KLF12: variants seen among roughly 807,000 people sequenced by gnomAD.
KLF12 encodes the protein KLF transcription factor 12.
In KLF12, 9 loss-of-function variants were observed where a neutral mutation model predicts 37.8. The ratio of observed to expected loss-of-function variants is 0.24; its 90% CI spans 0.14 to 0.42. The LOEUF (loss-of-function observed/expected upper bound fraction) is 0.42, where lower values mean the gene tolerates loss of function less well. KLF12 is among the 10% of genes least tolerant of loss of function. The probability of loss-of-function intolerance (pLI) is 1.00; values close to 1 mark genes in which losing one functional copy is unlikely to be tolerated. For missense variants in KLF12, 411 were observed against 516.0 expected (o/e 0.80, Z 1.97); for synonymous variants, 208 against 202.1 (o/e 1.03, Z -0.25).
At chr13:73,900,430 C>G (rs895690506) in intron 3 of KLF12, among the ~76,000 whole-genome samples, 1 of 152,100 alleles carries the variant, frequency 6.6e-6, no homozygotes, top group African/African-American at 2.4e-5. Context: ...GTCCATAAAA[C>G]ATGAGAATAC....
the KLF12 span, among the ~76,000 whole-genome samples, chr13:74,235,832 A>G: frequency 7.9e-5 from 12 of 152,136 alleles, no homozygotes; most frequent in Non-Finnish European, 1.8e-4. Flanking sequence ...ATATGACAGC[A>G]TCTTAATGGA....
the KLF12 span, among the ~76,000 whole-genome samples, chr13:74,240,997 T>C: frequency 6.6e-6 from 1 of 152,144 alleles, no homozygotes; most frequent in Non-Finnish European, 1.5e-5. Context: ...GGAACTGCGT[T>C]CCTTTGGAGG....
intron 1 of KLF12, among the ~76,000 whole-genome samples, chr13:74,014,936 T>C (rs898501674): frequency 6.6e-6 from 1 of 152,206 alleles, no homozygotes; most frequent in African/African-American, 2.4e-5. Context: ...GTTAATTCAA[T>C]AGCAAATGGT....
the KLF12 span, among the ~76,000 whole-genome samples, chr13:74,194,797 C>A: frequency 6.6e-6 from 1 of 152,164 alleles, no homozygotes; most frequent in African/African-American, 2.4e-5. Flanking sequence ...AGATGTCACT[C>A]CCATATTTCA....
intron 5 of KLF12, among the ~76,000 whole-genome samples, chr13:73,794,572 T>C (rs190555742): frequency 1.3e-5 from 2 of 152,364 alleles, no homozygotes. Context: ...ACTTTATATA[T>C]ATTACAGTTG....
chr13:73,948,411 G>T (rs530410031), intron 2 of KLF12, among the ~76,000 whole-genome samples: 166 of 152,250 alleles, frequency 1.1e-3, no homozygotes, highest in Non-Finnish European at 2.2e-3. Flanking sequence ...TAGAGACGGG[G>T]TTTCACCTTG....
chr13:73,809,535 A>C (rs1488826121), intron 5 of KLF12, among the ~76,000 whole-genome samples: 1 of 68,954 alleles, frequency 1.5e-5, no homozygotes, highest in African/African-American at 5.5e-5. Context: ...ATATTTAATA[A>C]AATTTTAAGA....
At chr13:74,192,467 G>A in the KLF12 span, among the ~76,000 whole-genome samples, 1 of 152,166 alleles carries the variant, frequency 6.6e-6, no homozygotes, top group African/African-American at 2.4e-5. Context: ...CTGTTAGAAA[G>A]ATATCATGAA....
chr13:73,897,134 G>T (rs1180246068), intron 3 of KLF12, among the ~76,000 whole-genome samples: 1 of 151,902 alleles, frequency 6.6e-6, no homozygotes, highest in Non-Finnish European at 1.5e-5. Flanking sequence ...GAGTTATAGT[G>T]GAAGGAGGGA....
chr13:74,098,936 G>T (rs1349286881), intron 1 of KLF12, among the ~76,000 whole-genome samples: 3 of 151,972 alleles, frequency 2.0e-5, no homozygotes, highest in Admixed American at 6.6e-5. Context: ...ACATGTCATG[G>T]GTCTTATTTT....
intron 1 of KLF12, among the ~76,000 whole-genome samples, chr13:74,026,330 T>C (rs1892975743): frequency 6.6e-6 from 1 of 152,194 alleles, no homozygotes; most frequent in African/African-American, 2.4e-5. Context: ...TTTAGTTGCA[T>C]GCTTCTCTAA....
At chr13:73,848,553 T>G (rs1176522017) in intron 3 of KLF12, among the ~76,000 whole-genome samples, 1 of 148,126 alleles carries the variant, frequency 6.8e-6, no homozygotes, top group Non-Finnish European at 1.5e-5. Context: ...AGCTATATAT[T>G]ATATATAATA....
chr13:74,300,588 C>T, the KLF12 span, among the ~76,000 whole-genome samples: 1 of 152,104 alleles, frequency 6.6e-6, no homozygotes, highest in African/African-American at 2.4e-5. Context: ...GCCACTGCTT[C>T]CTAAATAGAT....
chr13:74,067,006 AG>A (rs1161054955), intron 1 of KLF12, among the ~76,000 whole-genome samples: 5 of 152,226 alleles, frequency 3.3e-5, no homozygotes, highest in Non-Finnish European at 5.9e-5. Flanking sequence ...GCTTGGGGAC[AG>A]TGTGGACAGG....
At chr13:74,112,384 T>TTGTGTGTGTGTGTGTGTGTG (rs67487546) in intron 1 of KLF12, among the ~76,000 whole-genome samples, 3 of 145,284 alleles carry the variant, frequency 2.1e-5, no homozygotes, top group Admixed American at 6.8e-5. Flanking sequence ...TTTGCAGATA[T>TTGTGTGTGTGTGTGTGTGTG]TGTCTGTGTG....
the KLF12 span, among the ~76,000 whole-genome samples, chr13:74,185,801 C>T: frequency 1.3e-5 from 2 of 152,092 alleles, no homozygotes; most frequent in Non-Finnish European, 2.9e-5. Context: ...CACGTGCCAG[C>T]ACACCTGTGC....
intron 1 of KLF12, among the ~76,000 whole-genome samples, chr13:74,046,406 G>GCTACA (rs139450079): frequency 0.071 from 10,761 of 151,910 alleles, 500 homozygotes; most frequent in Non-Finnish European, 0.1. Context: ...TTGTTAAAAG[G>GCTACA]CTACACCACT....
the KLF12 span, among the ~76,000 whole-genome samples, chr13:74,151,407 T>C: frequency 2.0e-5 from 3 of 152,090 alleles, no homozygotes; most frequent in African/African-American, 7.2e-5. Context: ...TCCGAGCACT[T>C]AGGGAGCCCG....
At chr13:73,849,283 G>A (rs764539969) in intron 3 of KLF12, among the ~76,000 whole-genome samples, 5 of 150,896 alleles carry the variant, frequency 3.3e-5, no homozygotes, top group Admixed American at 6.6e-5. Context: ...GGAAGGTGAG[G>A]CAGAAGAATC....
Sources: gnomAD v4.1 joint callset for allele counts (sites outside exome capture counted in the v4.1 genomes callset) on GRCh38, gnomAD v4.1.1 for gene constraint, MANE v1.5 for transcripts, NCBI Gene and HGNC (gene_info 2026-07-23, HGNC 2026-07-21) for gene names.